EML6: variants seen among roughly 807,000 people sequenced by gnomAD.
EML6 encodes the protein echinoderm microtubule-associated protein-like 6.
Under a neutral mutation model 240.1 loss-of-function variants are expected in EML6, and 154 were observed. The ratio of observed to expected loss-of-function variants is 0.64; its 90% CI spans 0.56 to 0.73. The LOEUF is 0.73. Among genes scored for constraint, EML6 ranks in the 30% least tolerant of loss-of-function variants. The pLI, the probability that EML6 is intolerant of heterozygous loss-of-function variation, is 0.00. For synonymous variants in EML6, 1,148 were observed against 899.0 expected, an observed-to-expected ratio of 1.28 and a Z score of -4.95; for missense variants, 2,964 against 2,474.6, an observed-to-expected ratio of 1.20 and a Z score of -4.20.
intron 6 of EML6, among the ~76,000 whole-genome samples, chr2:54,828,302 G>A (rs1020139029): frequency 1.3e-5 from 2 of 152,174 alleles, no homozygotes; most frequent in African/African-American, 4.8e-5. Flanking sequence ...CATATCTTCT[G>A]ATGGTCTGCT....
At chr2:54,875,437 C>T (rs533153188) in intron 16 of EML6, among the ~76,000 whole-genome samples, 10 of 152,334 alleles carry the variant, frequency 6.6e-5, no homozygotes, top group Admixed American at 5.2e-4. Flanking sequence ...GGACTCCTGT[C>T]GCTGCCCATC....
Position 54,847,534 on chromosome 2 carries a change from A to T in EML6, c.1098A>T (p.Glu366Asp). ...CCTTGATCGCCCGCTGTAACATGGA[A>T]GAGGCGGTTCGCAGTGTAGCTTTCA... ...DHALIARCNMEEAVRSVAFSP... is the reference protein window; with the variant it reads ...DHALIARCNMDEAVRSVAFSP... Residue 366 changes from glutamate to aspartate, a missense_variant, in exon 9 of 42, where the codon GAA becomes GAT. Glu to Asp is a conservative substitution (Grantham distance 45). Coordinates refer to ENST00000356458, the MANE Select transcript of EML6 (RefSeq NM_001039753.4). The T allele has an allele frequency of 1.3e-6, 2 of 1,552,142 alleles. No homozygotes were observed. The highest frequency in any genetic ancestry group is 8.7e-7 in the Non-Finnish European group (1 of 1,147,092).
chr2:54,955,397 G>GCTTTCAAGGACCCCTTGAATA (rs1310374491), intron 32 of EML6, among the ~76,000 whole-genome samples: 1 of 152,108 alleles, frequency 6.6e-6, no homozygotes, highest in Non-Finnish European at 1.5e-5. Flanking sequence ...AAGGGGTGTG[G>GCTTTCAAGGACCCCTTGAATA]CTTTCAAGGA....
chr2:54,771,152 G>A (rs983582091), intron 2 of EML6, among the ~76,000 whole-genome samples: 1 of 152,148 alleles, frequency 6.6e-6, no homozygotes, highest in Non-Finnish European at 1.5e-5. Flanking sequence ...GTAATTTACT[G>A]AGCAGTTAAT....
At chr2:54,876,202 T>C (rs907582856) in intron 16 of EML6, among the ~76,000 whole-genome samples, 8 of 152,140 alleles carry the variant, frequency 5.3e-5, no homozygotes, top group Non-Finnish European at 1.0e-4. Context: ...AGAGAGTAGA[T>C]TTCCAAAGCT....
intron 4 of EML6, among the ~76,000 whole-genome samples, chr2:54,818,321 T>C (rs1366515763): frequency 1.3e-5 from 2 of 152,184 alleles, no homozygotes; most frequent in Non-Finnish European, 2.9e-5. Flanking sequence ...GGTAAGTCTC[T>C]ACAAAATCAA....
intron 7 of EML6, among the ~76,000 whole-genome samples, chr2:54,836,719 C>G (rs965574808): frequency 1.3e-5 from 2 of 152,146 alleles, no homozygotes; most frequent in Non-Finnish European, 2.9e-5. Context: ...CTCAGGAGGG[C>G]CCTGCGGTTG....
chr2:54,852,980 G>A (rs571399984), intron 10 of EML6, among the ~76,000 whole-genome samples: 1 of 152,124 alleles, frequency 6.6e-6, no homozygotes, highest in Non-Finnish European at 1.5e-5. Context: ...CACAACGGTC[G>A]GGATTATTTT....
intron 2 of EML6, among the ~76,000 whole-genome samples, chr2:54,731,476 C>A (rs542433862): frequency 6.6e-6 from 1 of 152,082 alleles, no homozygotes; most frequent in East Asian, 1.9e-4. Context: ...CCCATTGCTA[C>A]AAAAAATTAA....
intron 2 of EML6, among the ~76,000 whole-genome samples, chr2:54,739,909 G>C (rs1274690736): frequency 1.3e-5 from 2 of 152,226 alleles, no homozygotes; most frequent in Non-Finnish European, 2.9e-5. Flanking sequence ...ACGTTCTGGA[G>C]ACTCTTGATT....
chr2:54,849,608 C>G (rs1572998725), intron 9 of EML6, among the ~76,000 whole-genome samples: 2 of 152,320 alleles, frequency 1.3e-5, no homozygotes, highest in African/African-American at 4.8e-5. Context: ...CCTGCCTCAG[C>G]CTCCCGATTA....
chr2:54,753,306 GAT>G (rs1260032356), intron 2 of EML6, among the ~76,000 whole-genome samples: 2 of 152,126 alleles, frequency 1.3e-5, no homozygotes, highest in African/African-American at 4.8e-5. Context: ...TTCCTCTAAA[GAT>G]ATATCGATGT....
intron 28 of EML6, among the ~76,000 whole-genome samples, chr2:54,943,298 C>G (rs1356561043): frequency 6.6e-6 from 1 of 152,132 alleles, no homozygotes; most frequent in East Asian, 1.9e-4. Flanking sequence ...AAGACAGTTC[C>G]CTCACCTGGT....
At chr2:54,908,955 C>T (rs918056973) in intron 24 of EML6, among the ~76,000 whole-genome samples, 13 of 152,220 alleles carry the variant, frequency 8.5e-5, no homozygotes, top group African/African-American at 3.1e-4. Flanking sequence ...TACAATGCTA[C>T]ACAGCACTTA....
At chr2:54,925,113 A>T (rs781478928) in intron 26 of EML6, among the ~76,000 whole-genome samples, 3 of 152,210 alleles carry the variant, frequency 2.0e-5, no homozygotes, top group Non-Finnish European at 2.9e-5. Flanking sequence ...AAATGAGTTT[A>T]TAAGGGAGGG....
intron 12 of EML6, among the ~76,000 whole-genome samples, chr2:54,863,176 G>A (rs1415398956): frequency 2.0e-5 from 3 of 152,222 alleles, no homozygotes; most frequent in Non-Finnish European, 2.9e-5. Context: ...GGGTGGGCAT[G>A]GTTAAAAGGC....
chr2:54,962,517 C>A lies in EML6; in HGVS notation c.4969-6C>A. The A allele has an allele frequency of 6.5e-7, 1 of 1,538,166 alleles. No homozygotes were observed. The highest frequency in any genetic ancestry group is 8.8e-7 in the Non-Finnish European group (1 of 1,140,034). On this transcript the variant is annotated splice_region_variant and splice_polypyrimidine_tract_variant and intron_variant, in intron 35 of 41. Coordinates refer to ENST00000356458, the MANE Select transcript of EML6 (RefSeq NM_001039753.4). ...CCTTTTTCTAATAGTGTTTCAATTA[C>A]AACAGGGAAAAATCTTAGTGGGAAC... is the stretch of plus-strand genomic sequence containing the variant.
intron 13 of EML6, among the ~76,000 whole-genome samples, chr2:54,866,489 T>C (rs1164372855): frequency 6.6e-6 from 1 of 152,238 alleles, no homozygotes; most frequent in Non-Finnish European, 1.5e-5. Flanking sequence ...ATTTATATTT[T>C]ACTGATACTT....
intron 2 of EML6, among the ~76,000 whole-genome samples, chr2:54,788,299 T>C (rs1446359999): frequency 6.6e-6 from 1 of 152,184 alleles, no homozygotes; most frequent in Non-Finnish European, 1.5e-5. Context: ...CCGGCTTCTG[T>C]TATTTCATGT....
Sources: gnomAD v4.1 joint callset for allele counts (sites outside exome capture counted in the v4.1 genomes callset) on GRCh38, gnomAD v4.1.1 for gene constraint, MANE v1.5 for transcripts, NCBI Gene and HGNC (gene_info 2026-07-23, HGNC 2026-07-21) for gene names.